Variants in ARL3 observed in about 807,000 individuals in gnomAD.
ARL3 encodes ARF like GTPase 3.
A neutral mutation model predicts 26.0 loss-of-function variants in ARL3; 9 were observed. The observed-to-expected ratio is 0.35, with a 90% CI of 0.21 to 0.60. ARL3 has a LOEUF of 0.60. Among genes scored for constraint, ARL3 ranks in the 20% least tolerant of loss-of-function variants. The probability of loss-of-function intolerance (pLI) is 0.78; values close to 1 mark genes in which losing one functional copy is unlikely to be tolerated. For synonymous variants in ARL3, 71 were observed against 78.4 expected (o/e 0.91, Z 0.50); for missense variants, 158 against 215.7 (o/e 0.73, Z 1.67).
intron 4 of ARL3, 150 bp downstream of exon 4, chr10:102,689,743 G>T: frequency 2.6e-6 from 1 of 379,572 alleles, no homozygotes; most frequent in Non-Finnish European, 4.9e-6. Context: ...CAGGAGAATT[G>T]CTTGAACCTG....
rs2064133096 is a variant in ARL3, at chr10:102,676,846, G to A, written c.*48C>T. On this transcript the variant is annotated 3_prime_UTR_variant, in exon 6 of 6. Transcript: ENST00000260746. ...GAAAGCAGCAAATTAGTGTTTTTCA[G>A]GACCGAATTCGGCTCCCGCAGCTCC... 2 of 1,592,652 alleles carry A rather than the reference G, an allele frequency of 1.3e-6. No homozygotes were observed. The highest frequency in any genetic ancestry group is 1.1e-5 in the South Asian group (1 of 90,606).
At position 102,708,908 on chromosome 10, in the gene ARL3, A is replaced by ATATATTTTTTTT; in HGVS notation, c.4-3420_4-3419insAAAAAAAATATA. Among the ~76,000 whole-genome samples, 26 of 95,320 alleles carry ATATATTTTTTTT rather than the reference A, an allele frequency of 2.7e-4. No homozygotes were observed. In the East Asian group the frequency reaches 4.6e-3, roughly 17 times the overall value. 62.5% of individuals were successfully genotyped at this position (95,320 alleles called of 152,430 possible). On this transcript the variant is annotated intron_variant, in intron 1 of 5. Transcript: ENST00000260746. ...ATATTATATATATATATATATATAT[A>ATATATTTTTTTT]TTTTTTTTTTTTTTGAGACAAGGTC...
intron 5 of ARL3, among the ~76,000 whole-genome samples, chr10:102,677,636 C>T (rs2064136807): frequency 6.6e-6 from 1 of 152,222 alleles, no homozygotes; most frequent in Admixed American, 6.5e-5. Context: ...ACAATGCCTA[C>T]AGCTACCTGG....
At chr10:102,692,507 C>T (rs1460176422) in intron 3 of ARL3, among the ~76,000 whole-genome samples, 1 of 151,300 alleles carries the variant, frequency 6.6e-6, no homozygotes, top group Non-Finnish European at 1.5e-5. Context: ...CCTCTGCCTC[C>T]TGGGTTCAAG....
chr10:102,709,479 C>CA (rs11290496), intron 1 of ARL3, among the ~76,000 whole-genome samples: 5 of 114,336 alleles, frequency 4.4e-5, no homozygotes, highest in Middle Eastern at 4.5e-3. Flanking sequence ...ATATCCCTAC[C>CA]AAAAAAAAAA....
At chr10:102,714,146 A>G in intron 1 of ARL3, 127 bp downstream of exon 1, 1 of 1,176,664 alleles carries the variant, frequency 8.5e-7, no homozygotes, top group Non-Finnish European at 1.1e-6. Context: ...TCAGTCCACA[A>G]CCCAGATAGC....
chr10:102,686,831 A>C (rs962181635), intron 4 of ARL3, among the ~76,000 whole-genome samples: 4 of 143,308 alleles, frequency 2.8e-5, no homozygotes, highest in Non-Finnish European at 4.5e-5. Context: ...AGAGATGCTG[A>C]CTTTGGAAAG....
At chr10:102,711,856 A>G (rs564966089) in intron 1 of ARL3, among the ~76,000 whole-genome samples, 1 of 152,356 alleles carries the variant, frequency 6.6e-6, no homozygotes, top group South Asian at 2.1e-4. Flanking sequence ...AGCATGACAC[A>G]TAACAGCCAC....
In ARL3 at chr10:102,676,884, C is replaced by A. The variant is rs8354; in HGVS notation, c.*10G>T. ...CTCCCGCAGCTCCTGCATCTCCATT[C>A]GTCTAGATTTTATTTCTTCTTTGCA... On this transcript the variant is annotated 3_prime_UTR_variant, in exon 6 of 6. Transcript: ENST00000260746. The A allele has an allele frequency of 6.2e-7, 1 of 1,613,814 alleles. No homozygotes were observed. The highest frequency in any genetic ancestry group is 1.3e-5 in the African/African-American group (1 of 75,026).
At chr10:102,714,144 C>T (rs957047202) in intron 1 of ARL3, 129 bp downstream of exon 1, 7 of 1,173,134 alleles carry the variant, frequency 6.0e-6, no homozygotes, top group African/African-American at 4.7e-5. Context: ...AATCAGTCCA[C>T]AACCCAGATA....
chr10:102,682,248 A>G (rs1024058393), intron 5 of ARL3, among the ~76,000 whole-genome samples: 1 of 152,068 alleles, frequency 6.6e-6, no homozygotes, highest in Non-Finnish European at 1.5e-5. Context: ...TCTTGGCACA[A>G]CAGAGTTTCT....
intron 4 of ARL3, among the ~76,000 whole-genome samples, chr10:102,687,927 G>GTGTGTGTGTGTGTA (rs148129155): frequency 6.6e-6 from 1 of 151,354 alleles, no homozygotes; most frequent in Non-Finnish European, 1.5e-5. Context: ...CTTTCAATGC[G>GTGTGTGTGTGTGTA]TGTGTGTGTG....
chr10:102,685,116 G>T (rs2064176142), intron 5 of ARL3, among the ~76,000 whole-genome samples: 2 of 151,666 alleles, frequency 1.3e-5, no homozygotes, highest in Non-Finnish European at 2.9e-5. Flanking sequence ...GGGTGTGGTG[G>T]TGAATGCCTG....
chr10:102,704,151 CAAAAAAAAAAA>C (rs56326932), intron 2 of ARL3, among the ~76,000 whole-genome samples: 3 of 46,094 alleles, frequency 6.5e-5, no homozygotes, highest in Admixed American at 3.5e-4. Flanking sequence ...ACTCTGTCTC[CAAAAAAAAAAA>C]AAAAAAAAAA....
chr10:102,677,020 G>T, intron 5 of ARL3, 79 bp from the exon 6 acceptor site: 1 of 1,515,824 alleles, frequency 6.6e-7, no homozygotes. Flanking sequence ...GGGGCGGGCA[G>T]TGGGGGTCCC....
rs1176402236 is a variant in ARL3, at chr10:102,675,616, C to T, written c.*1278G>A. 6.6e-6 allele frequency: 1 copy of T among 152,220 alleles called. No individual in the cohort carries two copies. Among genetic ancestry groups the T allele is most frequent in the East Asian group, 1.9e-4 (1 of 5,202 alleles). The allele number at this position is 152,220 out of a possible 1,614,324, so 9.4% of individuals were successfully genotyped here. On this transcript the variant is annotated 3_prime_UTR_variant, in exon 6 of 6. Coordinates refer to ENST00000260746, the MANE Select transcript of ARL3 (RefSeq NM_004311.4). ...GATTTCTGAGGTTCAGGGAAACAAG[C>T]TCGTTTTGCAACGAGGGGCAGGAGA...
chr10:102,690,031 C>A, intron 3 of ARL3, 88 bp from the exon 4 acceptor site: 2 of 759,742 alleles, frequency 2.6e-6, no homozygotes, highest in Non-Finnish European at 4.4e-6. Context: ...GATCCCCAAT[C>A]AGCATATTCC....
At chr10:102,677,429 C>A in intron 5 of ARL3, among the ~76,000 whole-genome samples, 1 of 152,244 alleles carries the variant, frequency 6.6e-6, no homozygotes, top group South Asian at 2.1e-4. Flanking sequence ...GTGAGTGTTG[C>A]GAGGCACACA....
intron 3 of ARL3, among the ~76,000 whole-genome samples, chr10:102,690,294 C>CTTTT (rs1163380153): frequency 7.2e-6 from 1 of 138,830 alleles, no homozygotes; most frequent in African/African-American, 2.6e-5. Context: ...TCACTATTTT[C>CTTTT]CTTTTTTTTT....
Sources: gnomAD v4.1 joint callset for allele counts (sites outside exome capture counted in the v4.1 genomes callset) on GRCh38, gnomAD v4.1.1 for gene constraint, MANE v1.5 for transcripts, NCBI Gene and HGNC (gene_info 2026-07-23, HGNC 2026-07-21) for gene names.